The following AGBL1 variants were observed in gnomAD, a reference collection of about 807,000 sequenced individuals.
AGBL1 encodes AGBL carboxypeptidase 1.
Under a neutral mutation model 118.9 loss-of-function variants are expected in AGBL1, and 130 were observed. The observed-to-expected ratio is 1.09, with a 90% CI of 0.95 to 1.26. AGBL1 has a LOEUF of 1.26. Ranked by LOEUF, AGBL1 falls within the 50% of genes most tolerant of loss-of-function variation. The probability of loss-of-function intolerance (pLI) is 0.00; values close to 1 mark genes in which losing one functional copy is unlikely to be tolerated. For missense variants in AGBL1, 1,584 were observed against 1,298.1 expected, an observed-to-expected ratio of 1.22 and a Z score of -3.38; for synonymous variants, 555 against 478.9, an observed-to-expected ratio of 1.16 and a Z score of -2.08.
chr15:86,400,714 TTTC>T (rs2081431965), intron 18 of AGBL1, among the ~76,000 whole-genome samples: 1 of 151,948 alleles, frequency 6.6e-6, no homozygotes, highest in Non-Finnish European at 1.5e-5. Flanking sequence ...GATATTTGAT[TTTC>T]CATTCCTGAG....
At chr15:86,545,178 C>A (rs1268025663) in intron 19 of AGBL1, among the ~76,000 whole-genome samples, 1 of 152,204 alleles carries the variant, frequency 6.6e-6, no homozygotes, top group African/African-American at 2.4e-5. Context: ...ATTAGGGCTT[C>A]TTTAGCCTGG....
At chr15:87,019,569 A>G (rs1260611070) in intron 24 of AGBL1, among the ~76,000 whole-genome samples, 1 of 152,110 alleles carries the variant, frequency 6.6e-6, no homozygotes, top group Non-Finnish European at 1.5e-5. Flanking sequence ...GTTCTTTGAA[A>G]CTAATAAAAA....
At chr15:86,735,115 C>G (rs992484249) in intron 22 of AGBL1, among the ~76,000 whole-genome samples, 1 of 151,970 alleles carries the variant, frequency 6.6e-6, no homozygotes, top group Non-Finnish European at 1.5e-5. Context: ...GAGTTCCACT[C>G]TTGTCACGTA....
intron 17 of AGBL1, among the ~76,000 whole-genome samples, chr15:86,313,051 C>T (rs1246969158): frequency 2.6e-5 from 4 of 152,180 alleles, no homozygotes; most frequent in Non-Finnish European, 5.9e-5. Flanking sequence ...CTGGAAGGTG[C>T]TGTTGGAAAC....
intron 21 of AGBL1, among the ~76,000 whole-genome samples, chr15:86,583,395 C>G (rs1275745836): frequency 6.6e-6 from 1 of 151,956 alleles, no homozygotes; most frequent in East Asian, 1.9e-4. Flanking sequence ...CTATATGTAC[C>G]CAATGTTTAG....
At chr15:87,013,110 G>A (rs949898764) in intron 24 of AGBL1, among the ~76,000 whole-genome samples, 2 of 152,014 alleles carry the variant, frequency 1.3e-5, no homozygotes, top group Admixed American at 6.6e-5. Context: ...AAGTAATTGC[G>A]GTGGCTTCAC....
At chr15:86,302,441 T>TAGC (rs2079764408) in intron 17 of AGBL1, among the ~76,000 whole-genome samples, 1 of 151,948 alleles carries the variant, frequency 6.6e-6, no homozygotes, top group Non-Finnish European at 1.5e-5. Context: ...AGTAGAAACA[T>TAGC]AGCATATGCA....
chr15:86,701,734 CCT>C (rs1454937856), intron 22 of AGBL1, among the ~76,000 whole-genome samples: 8 of 146,176 alleles, frequency 5.5e-5, no homozygotes, highest in African/African-American at 2.0e-4. Context: ...TCCCTCCACT[CCT>C]CTCTCCTTCC....
chr15:86,667,704 CCTT>C (rs2085671768), intron 21 of AGBL1, among the ~76,000 whole-genome samples: 2 of 152,146 alleles, frequency 1.3e-5, no homozygotes, highest in South Asian at 2.1e-4. Context: ...CCTTCCTTTT[CCTT>C]CTTCTTGGCT....
intron 23 of AGBL1, among the ~76,000 whole-genome samples, chr15:86,928,642 G>A (rs143285458): frequency 1.2e-4 from 19 of 152,252 alleles, no homozygotes; most frequent in African/African-American, 3.9e-4. Flanking sequence ...CAAGTACCAT[G>A]CATGTTTTCT....
rs139963259 is a variant in AGBL1 at position 86,419,790 on chromosome 15, G to A, written c.2555+22244G>A. Among the ~76,000 whole-genome samples the A allele has an allele frequency of 8.8e-3, 1,344 of 152,200 alleles. 25 individuals carry two copies. The highest frequency in any genetic ancestry group is 0.029 in the African/African-American group (1,184 of 41,534). ...TAGCTTTGTTGGGGGAGGGGTGTCC[G>A]CCATTACTGAGACTGGAGTAGGCAG... On this transcript the variant is annotated intron_variant, in intron 18 of 22. Transcript: ENST00000614907.
chr15:86,513,294 T>C (rs1200707821), intron 18 of AGBL1, among the ~76,000 whole-genome samples: 1 of 151,988 alleles, frequency 6.6e-6, no homozygotes, highest in Non-Finnish European at 1.5e-5. Flanking sequence ...GAGTTATATA[T>C]AGAATATCCC....
At chr15:86,976,242 G>A (rs1339243658) in intron 23 of AGBL1, among the ~76,000 whole-genome samples, 1 of 150,364 alleles carries the variant, frequency 6.7e-6, no homozygotes, top group Non-Finnish European at 1.5e-5. Context: ...TTATATATCT[G>A]TAGTATATAT....
intron 23 of AGBL1, among the ~76,000 whole-genome samples, chr15:86,928,986 T>A (rs1313022895): frequency 6.6e-6 from 1 of 152,244 alleles, no homozygotes; most frequent in East Asian, 1.9e-4. Context: ...TCTCCAGAAC[T>A]TTTTTTTAAT....
chr15:86,252,298 G>A (rs1190070208), intron 7 of AGBL1, among the ~76,000 whole-genome samples: 2 of 152,214 alleles, frequency 1.3e-5, no homozygotes, highest in African/African-American at 4.8e-5. Context: ...CCTCAGCCTT[G>A]TGGACCTGTG....
At chr15:86,592,453 C>T (rs2084350776) in intron 21 of AGBL1, among the ~76,000 whole-genome samples, 1 of 152,066 alleles carries the variant, frequency 6.6e-6, no homozygotes, top group African/African-American at 2.4e-5. Context: ...GCTGTTTGGC[C>T]CTTAACTTGT....
At chr15:86,143,543 TACA>T (rs1472027878) in intron 2 of AGBL1, among the ~76,000 whole-genome samples, 153 bp from the exon 3 acceptor site, 2 of 152,244 alleles carry the variant, frequency 1.3e-5, no homozygotes, top group African/African-American at 4.8e-5. Context: ...TAACTGATAG[TACA>T]ACTTTAACAC....
At chr15:86,236,380 A>C (rs2078543421) in intron 6 of AGBL1, among the ~76,000 whole-genome samples, 1 of 150,212 alleles carries the variant, frequency 6.7e-6, no homozygotes. Context: ...GGGATGAAGC[A>C]TCCAAATTCT....
At chr15:86,323,167 T>TA (rs1394749836) in intron 17 of AGBL1, among the ~76,000 whole-genome samples, 1 of 151,846 alleles carries the variant, frequency 6.6e-6, no homozygotes, top group Non-Finnish European at 1.5e-5. Flanking sequence ...AGTGATTTTT[T>TA]TTTTTTGTAT....
Sources: gnomAD v4.1 joint callset for allele counts (sites outside exome capture counted in the v4.1 genomes callset) on GRCh38, gnomAD v4.1.1 for gene constraint, MANE v1.5 for transcripts, NCBI Gene and HGNC (gene_info 2026-07-23, HGNC 2026-07-21) for gene names.